The following PASK variants were observed in gnomAD, a reference collection of about 807,000 sequenced individuals.
PASK encodes PAS domain containing serine/threonine kinase.
Under a neutral mutation model 121.0 loss-of-function variants are expected in PASK, and 110 were observed. That is an observed-to-expected ratio of 0.91 (90% CI 0.78 to 1.06). PASK has a LOEUF of 1.06. PASK is among the 50% of genes least tolerant of loss of function. PASK has a pLI of 0.00. For missense variants in PASK, 1,643 were observed against 1,702.3 expected, an observed-to-expected ratio of 0.97 and a Z score of 0.61; for synonymous variants, 686 against 717.8, an observed-to-expected ratio of 0.96 and a Z score of 0.71.
intron 14 of PASK, chr2:241,113,983 TC>T: frequency 1.0e-6 from 1 of 981,472 alleles, no homozygotes; most frequent in Non-Finnish European, 1.2e-6. Context: ...GGGTAGAGAT[TC>T]TTTTGGCAAA....
chr2:241,134,824 A>G (rs1440984564), intron 8 of PASK: 1 of 133,706 alleles, frequency 7.5e-6, no homozygotes, highest in Non-Finnish European at 1.7e-5. Flanking sequence ...CTGCCACACC[A>G]TCACCTGGAC....
At chr2:241,144,189 T>C (rs1278955978) in intron 1 of PASK, among the ~76,000 whole-genome samples, 5 of 151,950 alleles carry the variant, frequency 3.3e-5, no homozygotes, top group Non-Finnish European at 4.4e-5. Flanking sequence ...TTCCATGCAG[T>C]CTTGTCACAT....
In PASK at chr2:241,140,533, G is replaced by C. The variant is rs1407795693; in HGVS notation, c.417C>G (p.Ala139=). Reference sequence around the variant, plus strand: ...GAGAAGCAAATACCTCTGTGGTCTTGGCATCCACCGTGAAGATGGCCTTGT... The same window carrying C: ...GAGAAGCAAATACCTCTGTGGTCTTCGCATCCACCGTGAAGATGGCCTTGT... ...NPNKAIFTVD[A]KTTEILVAND... Residue 139 remains alanine, a synonymous_variant, in exon 3 of 18, where the codon GCC becomes GCG. Coordinates refer to ENST00000234040, the MANE Select transcript of PASK (RefSeq NM_015148.4). 6.2e-7 allele frequency: 1 copy of C among 1,607,500 alleles called. No individual in the cohort carries two copies. The highest frequency in any genetic ancestry group is 8.5e-7 in the Non-Finnish European group (1 of 1,174,464).
chr2:241,149,980 G>T, upstream of PASK: 2 of 1,419,032 alleles, frequency 1.4e-6, no homozygotes, highest in Non-Finnish European at 1.8e-6. Flanking sequence ...GCGCGGGGAC[G>T]CCGGGAGAAT....
At chr2:241,110,516 C>A (rs114197193) in intron 15 of PASK, among the ~76,000 whole-genome samples, 1,841 of 152,328 alleles carry the variant, frequency 0.012, 33 homozygotes, top group African/African-American at 0.041. Flanking sequence ...CCGCTCACAG[C>A]CAGAAAGGAG....
intron 9 of PASK, among the ~76,000 whole-genome samples, chr2:241,131,658 G>A (rs2066139364): frequency 6.6e-6 from 1 of 152,096 alleles, no homozygotes; most frequent in Non-Finnish European, 1.5e-5. Context: ...GGGTGTAGGG[G>A]GCACAGTGCA....
At chr2:241,149,563 T>G, upstream of PASK, 3 of 1,270,184 alleles carry the variant, frequency 2.4e-6, no homozygotes, top group Admixed American at 2.2e-5. Context: ...GGGACTAAGC[T>G]AGCCAGAGTC....
At chr2:241,117,862 T>C (rs540078014) in intron 12 of PASK, among the ~76,000 whole-genome samples, 1 of 152,248 alleles carries the variant, frequency 6.6e-6, no homozygotes, top group Admixed American at 6.5e-5. Flanking sequence ...GAATCCTTCC[T>C]GGAAAAACTG....
Position 241,137,162 on chromosome 2 carries a change from C to T in PASK, c.979G>A (p.Gly327Ser), listed in dbSNP as rs748350976. The T allele has an allele frequency of 6.2e-6, 10 of 1,612,872 alleles. No homozygotes were observed. Among genetic ancestry groups the T allele is most frequent in the Admixed American group, 1.7e-5 (1 of 60,004 alleles). The change falls in exon 7 of 18, where the codon GGT (glycine) becomes AGT (serine). Residue 327 changes from glycine to serine, a missense_variant. Physicochemically the swap from Gly to Ser is moderately conservative, Grantham distance 56. Transcript: ENST00000234040. ...SQPSSEEATT[G>S]EAAPVSGYRA... is the part of the protein sequence containing the mutation. ...TAGCCGCTCACAGGGGCCGCCTCAC[C>T]GGTGGTCGCCTCCTCGCTGCTGGGT...
chr2:241,150,125 C>T (rs1343155845), upstream of PASK: 1 of 1,265,278 alleles, frequency 7.9e-7, no homozygotes, highest in African/African-American at 1.6e-5. Flanking sequence ...CTCCACGCCT[C>T]CGAGGTCGAG....
At chr2:241,113,369 TAC>T (rs2065184810) in intron 14 of PASK, 2 of 93,492 alleles carry the variant, frequency 2.1e-5, no homozygotes, top group African/African-American at 8.6e-5. Context: ...TACAAACATA[TAC>T]ATACCTGCAT....
At chr2:241,132,516 G>A (rs1317160561) in intron 9 of PASK, among the ~76,000 whole-genome samples, 37 of 111,092 alleles carry the variant, frequency 3.3e-4, no homozygotes, top group Admixed American at 7.5e-4. Flanking sequence ...GTGACACAGC[G>A]AGACTCTGTC....
chr2:241,142,774 C>T (rs1209085567), intron 2 of PASK, 63 bp downstream of exon 2: 2 of 1,255,380 alleles, frequency 1.6e-6, no homozygotes, highest in East Asian at 2.3e-5. Context: ...TCCATGAGAA[C>T]ACAGAGCAAC....
intron 10 of PASK, 80 bp downstream of exon 10, chr2:241,126,116 C>T: frequency 1.5e-6 from 2 of 1,294,816 alleles, no homozygotes; most frequent in Non-Finnish European, 2.2e-6. Flanking sequence ...CATCAGACCC[C>T]AGAACAAGGA....
chr2:241,109,878 C>A lies in PASK; in HGVS notation c.3534-1578G>T, dbSNP rs144626755. 73 of 152,356 alleles carry A rather than the reference C, an allele frequency of 4.8e-4. 1 individual carries two copies. The highest frequency in any genetic ancestry group is 1.6e-3 in the African/African-American group (65 of 41,560). The allele number at this position is 152,356 out of a possible 1,614,324, so 9.4% of individuals were successfully genotyped here. A position where few individuals can be genotyped will look rare whatever the true frequency, so the allele number is the denominator to read the frequency against. ...TATTTCAGGTTTTGGGCCACATGGT[C>A]CCCACTGCAACTCAACTCTGTCATG... On this transcript the variant is annotated intron_variant, in intron 15 of 17. Transcript: ENST00000234040.
At chr2:241,144,466 C>T (rs547759520) in intron 1 of PASK, among the ~76,000 whole-genome samples, 2 of 152,294 alleles carry the variant, frequency 1.3e-5, no homozygotes, top group East Asian at 3.9e-4. Flanking sequence ...TGAGGAGACC[C>T]TGGGGCCAAG....
At chr2:241,123,754 G>A (rs982891926) in intron 11 of PASK, among the ~76,000 whole-genome samples, 195 bp downstream of exon 11, 1 of 151,642 alleles carries the variant, frequency 6.6e-6, no homozygotes, top group Admixed American at 6.6e-5. Flanking sequence ...GGAAGCAGAG[G>A]TTGCAGTGAG....
chr2:241,139,576 G>A (rs754531888), intron 4 of PASK: 30 of 620,050 alleles, frequency 4.8e-5, no homozygotes, highest in East Asian at 7.3e-5. Context: ...TGTGCTGCCC[G>A]GCAGGACTGC....
intron 12 of PASK, among the ~76,000 whole-genome samples, chr2:241,120,791 G>A (rs1012973090): frequency 1.3e-5 from 2 of 152,192 alleles, no homozygotes; most frequent in African/African-American, 2.4e-5. Context: ...TAGACACAGA[G>A]TTACGACATG....
Sources: allele counts gnomAD v4.1 joint callset (sites outside exome capture counted in the v4.1 genomes callset), GRCh38; gene constraint gnomAD v4.1.1; transcripts MANE v1.5; gene names NCBI Gene and HGNC (gene_info 2026-07-23, HGNC 2026-07-21).